Variants in SYNJ1 observed in about 807,000 individuals in gnomAD.
SYNJ1 encodes polyphosphatidylinositol phosphatase SYNJ1.
In SYNJ1, 78 loss-of-function variants were observed where a neutral mutation model predicts 168.2. That is an observed-to-expected ratio of 0.46 (90% CI 0.39 to 0.56). The LOEUF (loss-of-function observed/expected upper bound fraction) is 0.56, where lower values mean the gene tolerates loss of function less well. Ranked by LOEUF, SYNJ1 falls within the 20% of genes least tolerant of loss-of-function variation. The probability of loss-of-function intolerance (pLI) is 0.00; values close to 1 mark genes in which losing one functional copy is unlikely to be tolerated. For missense variants in SYNJ1, 1,303 were observed against 1,597.6 expected, an observed-to-expected ratio of 0.82 and a Z score of 3.14; for synonymous variants, 539 against 548.6, an observed-to-expected ratio of 0.98 and a Z score of 0.24.
chr21:32,726,119 C>T (rs960962870), intron 2 of SYNJ1, among the ~76,000 whole-genome samples: 4 of 152,220 alleles, frequency 2.6e-5, no homozygotes, highest in Non-Finnish European at 5.9e-5. Flanking sequence ...GGACTACAGG[C>T]GTGAGCCCCC....
intron 13 of SYNJ1, among the ~76,000 whole-genome samples, chr21:32,675,509 T>C (rs575538617): frequency 5.8e-4 from 89 of 152,304 alleles, no homozygotes; most frequent in African/African-American, 1.3e-3. Context: ...CTCAAAAATA[T>C]ATCTAGGTGC....
At chr21:32,707,168 T>C (rs1282966514) in intron 2 of SYNJ1, among the ~76,000 whole-genome samples, 2 of 152,104 alleles carry the variant, frequency 1.3e-5, no homozygotes, top group African/African-American at 4.8e-5. Flanking sequence ...AAACACCACT[T>C]CCCTTCCCAA....
In SYNJ1 at chr21:32,685,687, G is replaced by A. The variant is rs1041955388; in HGVS notation, c.1118+61C>T. 2.4e-4 allele frequency: 316 copies of A among 1,293,174 alleles called. 1 individual carries two copies. Among genetic ancestry groups the A allele is most frequent in the Admixed American group, 8.5e-5 (3 of 35,264 alleles). The allele number at this position is 1,293,174 out of a possible 1,614,324, so 80.1% of individuals were successfully genotyped here. On this transcript the variant is annotated intron_variant, in intron 9 of 32. Coordinates refer to ENST00000674351, the MANE Select transcript of SYNJ1 (RefSeq NM_203446.3). ...TAAAAAGAAAATTTAAGAGTTCAACGTTAAGAATAATTTTTAATTAATGTT... is the reference window on the plus strand; with the variant it reads ...TAAAAAGAAAATTTAAGAGTTCAACATTAAGAATAATTTTTAATTAATGTT...
At chr21:32,639,889 C>T (rs2145727652) in intron 29 of SYNJ1, 110 bp from the exon 30 acceptor site, 1 of 828,380 alleles carries the variant, frequency 1.2e-6, no homozygotes, top group Non-Finnish European at 1.9e-6. Context: ...GGTATTAGTC[C>T]CTAATTTGTC....
chr21:32,684,755 C>T (rs1290004486), intron 9 of SYNJ1, among the ~76,000 whole-genome samples: 2 of 152,120 alleles, frequency 1.3e-5, no homozygotes, highest in Non-Finnish European at 2.9e-5. Context: ...AAAACAGTTT[C>T]ATATATAACA....
intron 27 of SYNJ1, among the ~76,000 whole-genome samples, chr21:32,642,341 G>A (rs1435788416): frequency 2.0e-5 from 3 of 152,174 alleles, no homozygotes; most frequent in African/African-American, 4.8e-5. Context: ...ACAATATTTA[G>A]ATAGACCTTT....
intron 2 of SYNJ1, among the ~76,000 whole-genome samples, chr21:32,714,154 A>G (rs915994486): frequency 6.6e-6 from 1 of 152,238 alleles, no homozygotes; most frequent in Non-Finnish European, 1.5e-5. Context: ...CAGCATATGT[A>G]AAGACCCTGA....
chr21:32,714,450 G>C (rs1053323260), intron 2 of SYNJ1, among the ~76,000 whole-genome samples: 1 of 152,176 alleles, frequency 6.6e-6, no homozygotes, highest in Non-Finnish European at 1.5e-5. Context: ...CCATGAAAGA[G>C]ACAACAGTGT....
At position 32,694,079 on chromosome 21, in the gene SYNJ1, A is replaced by G. The variant is rs1028178490; in HGVS notation, c.789+149T>C. On this transcript the variant is annotated intron_variant, in intron 6 of 32. Transcript: ENST00000674351. ...TCTAAGATAATTCCAGAAACTCTGT[A>G]CTCGTCTAGACCCTTATTTGCAAAT... 2.4e-5 allele frequency: 11 copies of G among 459,828 alleles called. No homozygotes were observed. In the South Asian group the frequency reaches 7.8e-4, roughly 33 times the overall value. The allele number at this position is 459,828 out of a possible 1,614,324, so 28.5% of individuals were successfully genotyped here. A position where few individuals can be genotyped will look rare whatever the true frequency, so the allele number is the denominator to read the frequency against.
chr21:32,639,913 T>C (rs1247352075), intron 29 of SYNJ1, 134 bp from the exon 30 acceptor site: 13 of 671,128 alleles, frequency 1.9e-5, no homozygotes, highest in Admixed American at 5.7e-5. Context: ...TTAAGTGCTC[T>C]CTACTTGAAG....
chr21:32,650,972 T>C (rs1418449112), intron 22 of SYNJ1, among the ~76,000 whole-genome samples: 1 of 152,254 alleles, frequency 6.6e-6, no homozygotes, highest in Non-Finnish European at 1.5e-5. Context: ...GCCTTCTCTA[T>C]AAATTTGGGT....
At chr21:32,712,117 C>T (rs575451529) in intron 2 of SYNJ1, among the ~76,000 whole-genome samples, 26 of 152,306 alleles carry the variant, frequency 1.7e-4, no homozygotes, top group African/African-American at 6.3e-4. Flanking sequence ...TGTTCTTCCC[C>T]AGCTGATACA....
Position 32,695,104 on chromosome 21 carries a change from C to T in SYNJ1, c.658G>A (p.Gly220Arg). 1 of 1,614,050 alleles carries T rather than the reference C, an allele frequency of 6.2e-7. No homozygotes were observed. The highest frequency in any genetic ancestry group is 1.1e-5 in the South Asian group (1 of 91,078). ...ERAGTRFNVRGTNDDGHVANF... is the reference protein window; with the variant it reads ...ERAGTRFNVRRTNDDGHVANF... ...GCAACATGACCATCATCATTTGTTCCCCGGACATTAAACCTGGTCCCAGCT... is the reference window on the plus strand; with the variant it reads ...GCAACATGACCATCATCATTTGTTCTCCGGACATTAAACCTGGTCCCAGCT... The change falls in exon 5 of 33, where the codon GGA becomes AGA. Residue 220 changes from glycine to arginine, a missense_variant. Gly to Arg is a moderately radical substitution (Grantham distance 125, BLOSUM62 -2). Transcript: ENST00000674351.
intron 21 of SYNJ1, among the ~76,000 whole-genome samples, chr21:32,656,309 T>C (rs2040454480): frequency 6.6e-6 from 1 of 152,018 alleles, no homozygotes; most frequent in Non-Finnish European, 1.5e-5. Context: ...CCAGGTGTGG[T>C]GGTGTGCACT....
intron 21 of SYNJ1, among the ~76,000 whole-genome samples, chr21:32,655,470 CT>C (rs1445005039): frequency 6.6e-6 from 1 of 152,200 alleles, no homozygotes; most frequent in Non-Finnish European, 1.5e-5. Context: ...ACAATTTCTT[CT>C]CCATTTGTTC....
At chr21:32,720,541 T>C (rs1748419016) in intron 2 of SYNJ1, among the ~76,000 whole-genome samples, 1 of 152,220 alleles carries the variant, frequency 6.6e-6, no homozygotes, top group South Asian at 2.1e-4. Flanking sequence ...AAGAATCTCA[T>C]AAGGACAACT....
intron 14 of SYNJ1, among the ~76,000 whole-genome samples, chr21:32,672,376 T>C (rs1569074182): frequency 6.6e-6 from 1 of 152,048 alleles, no homozygotes; most frequent in African/African-American, 2.4e-5. Flanking sequence ...GTTTCACTCT[T>C]GTCACCCAGG....
intron 10 of SYNJ1, among the ~76,000 whole-genome samples, chr21:32,682,316 T>G (rs1401299354): frequency 6.6e-6 from 1 of 152,204 alleles, no homozygotes; most frequent in African/African-American, 2.4e-5. Context: ...AGCCTATAAA[T>G]CTGACAGAGT....
rs779562990 is a variant in SYNJ1, at chr21:32,665,930, A to G, written c.2145+13T>C. 3.1e-5 allele frequency: 49 copies of G among 1,581,134 alleles called. No individual in the cohort carries two copies. Among genetic ancestry groups the G allele is most frequent in the Middle Eastern group, 1.7e-4 (1 of 5,752 alleles). On this transcript the variant is annotated intron_variant, in intron 17 of 32. Transcript: ENST00000674351. The stretch of plus-strand genomic sequence containing the variant: ...CAAAGCTTTATCTTCAAGAACAAGC[A>G]GCAAGAGCTTACCATAGGAAAACTC...
Sources: allele counts gnomAD v4.1 joint callset (sites outside exome capture counted in the v4.1 genomes callset), GRCh38; gene constraint gnomAD v4.1.1; transcripts MANE v1.5; gene names NCBI Gene and HGNC (gene_info 2026-07-23, HGNC 2026-07-21).